The following OPRPN variants were observed in gnomAD, a reference collection of about 807,000 sequenced individuals.
The protein encoded by OPRPN is opiorphin prepropeptide, also known as basic proline-rich lacrimal protein.
A neutral mutation model predicts 2.2 loss-of-function variants in OPRPN; 1 was observed. The ratio of observed to expected loss-of-function variants is 0.45; its 90% CI spans 0.16 to 2.15. The LOEUF (loss-of-function observed/expected upper bound fraction) is 2.15, where lower values mean the gene tolerates loss of function less well. Ranked by LOEUF, OPRPN falls within the 30% of genes most tolerant of loss-of-function variation. OPRPN has a pLI of 0.28. For synonymous variants in OPRPN, 126 were observed against 111.5 expected (o/e 1.13, Z -0.82); for missense variants, 306 against 297.3 (o/e 1.03, Z -0.21).
chr4:70,409,802 C>A lies in OPRPN; in HGVS notation c.474C>A (p.Pro158=), dbSNP rs754848878. 2 of 1,613,230 alleles carry A rather than the reference C, an allele frequency of 1.2e-6. No homozygotes were observed. Among genetic ancestry groups the A allele is most frequent in the Non-Finnish European group, 1.7e-6 (2 of 1,179,538 alleles). The part of the protein sequence containing the change: ...TADTTITTNP[P]TTATATTSTS... ...ATACAACAATCACCACAAATCCCCCCACCACTGCAACAGCAACCACCAGCA... is the reference window on the plus strand; with the variant it reads ...ATACAACAATCACCACAAATCCCCCAACCACTGCAACAGCAACCACCAGCA... Residue 158 remains proline, a synonymous_variant, in exon 3 of 3, where the codon CCC becomes CCA. Transcript: ENST00000399575.
intron 2 of OPRPN, 41 bp downstream of exon 2, chr4:70,399,377 G>A (rs1186608430): frequency 6.7e-7 from 1 of 1,496,662 alleles, no homozygotes; most frequent in Non-Finnish European, 9.2e-7. Context: ...TATATTTATT[G>A]TTAATCATGA....
intron 2 of OPRPN, among the ~76,000 whole-genome samples, chr4:70,401,900 A>G (rs1188591927): frequency 1.3e-5 from 2 of 152,122 alleles, no homozygotes; most frequent in East Asian, 3.9e-4. Flanking sequence ...TGTCCACTAA[A>G]CTGCTGTCAG....
intron 2 of OPRPN, among the ~76,000 whole-genome samples, chr4:70,407,957 A>T (rs1733128350): frequency 6.6e-6 from 1 of 152,162 alleles, no homozygotes; most frequent in South Asian, 2.1e-4. Flanking sequence ...TGATGGGTGT[A>T]GAGGGGAGCA....
intron 2 of OPRPN, among the ~76,000 whole-genome samples, chr4:70,400,034 T>C (rs1218319686): frequency 6.6e-6 from 1 of 151,940 alleles, no homozygotes; most frequent in African/African-American, 2.4e-5. Flanking sequence ...TAACAAGTGA[T>C]AAGTGCCATA....
intron 2 of OPRPN, among the ~76,000 whole-genome samples, chr4:70,408,747 C>A (rs531713441): frequency 8.5e-5 from 13 of 152,272 alleles, no homozygotes; most frequent in African/African-American, 2.6e-4. Flanking sequence ...AGGACTGGCT[C>A]TAGGAGGCTC....
chr4:70,399,238 G>C (rs763265096), intron 1 of OPRPN, 33 bp from the exon 2 acceptor site: 5 of 1,487,826 alleles, frequency 3.4e-6, no homozygotes, highest in Non-Finnish European at 4.6e-6. Flanking sequence ...GATCGATTTG[G>C]CTAACTGTGG....
rs142922138 is a variant in OPRPN at position 70,399,446 on chromosome 4, G to A, written c.51+110G>A. Reference sequence around the variant, plus strand: ...CCTGTATATAAAAATACAGTGTCAGGCTGTTGATAATTATGGACTTGCTCT... The same window carrying A: ...CCTGTATATAAAAATACAGTGTCAGACTGTTGATAATTATGGACTTGCTCT... On this transcript the variant is annotated intron_variant, in intron 2 of 2. Transcript: ENST00000399575. The A allele has an allele frequency of 7.8e-6, 7 of 896,310 alleles. 1 individual carries two copies. The highest frequency in any genetic ancestry group is 1.2e-5 in the Non-Finnish European group (7 of 583,846). The allele number at this position is 896,310 out of a possible 1,614,324, so 55.5% of individuals were successfully genotyped here.
At chr4:70,409,254 C>T (rs1733157095) in intron 2 of OPRPN, 126 bp from the exon 3 acceptor site, 2 of 709,448 alleles carry the variant, frequency 2.8e-6, no homozygotes, top group Non-Finnish European at 4.5e-6. Flanking sequence ...AAATACATGA[C>T]TTATGGCTTA....
In OPRPN at chr4:70,409,538, T is replaced by C. The variant is rs778909947; in HGVS notation, c.210T>C (p.Val70=). ...CTCTTCCCTTTGTCCCAGGGCGAGT[T>C]CCACCATCTTCTTTCTCTCGATTTA... ...PLSLPFVPGR[V]PPSSFSRFSQ... The change falls in exon 3 of 3, where the codon GTT becomes GTC. Residue 70 remains valine, a synonymous_variant. Coordinates refer to ENST00000399575, the MANE Select transcript of OPRPN (RefSeq NM_021225.5). 5 of 1,613,810 alleles carry C rather than the reference T, an allele frequency of 3.1e-6. No individual in the cohort carries two copies. In the Admixed American group the frequency reaches 6.7e-5, roughly 22 times the overall value.
Position 70,409,733 on chromosome 4 carries a change from T to C in OPRPN, c.405T>C (p.Leu135=), listed in dbSNP as rs746193627. 1.2e-6 allele frequency: 2 copies of C among 1,613,298 alleles called. No homozygotes were observed. Among genetic ancestry groups the C allele is most frequent in the Admixed American group, 3.3e-5 (2 of 59,936 alleles). ...TTCCTTTTTTTCTTGCTATTTACCT[T>C]CCTATCTCTAACCCTGAGCCCCAAA... The part of the protein sequence containing the change: ...PPIPFFLAIY[L]PISNPEPQIN... Residue 135 remains leucine (L), a synonymous_variant, in exon 3 of 3, where the codon CTT becomes CTC. Transcript: ENST00000399575.
chr4:70,404,153 C>T (rs1733039314), intron 2 of OPRPN, among the ~76,000 whole-genome samples: 1 of 152,126 alleles, frequency 6.6e-6, no homozygotes, highest in East Asian at 1.9e-4. Context: ...TCAAATTGTA[C>T]TCAAAATGGC....
chr4:70,399,950 A>G (rs1325727262), intron 2 of OPRPN, among the ~76,000 whole-genome samples: 1 of 151,990 alleles, frequency 6.6e-6, no homozygotes, highest in Non-Finnish European at 1.5e-5. Context: ...CTCAAGAAGC[A>G]CTTACACTAA....
chr4:70,405,626 A>C (rs1247639043), intron 2 of OPRPN, among the ~76,000 whole-genome samples: 1 of 152,218 alleles, frequency 6.6e-6, no homozygotes, highest in Non-Finnish European at 1.5e-5. Context: ...CTGCATCTAC[A>C]AACTTCCATG....
At position 70,405,323 on chromosome 4, in the gene OPRPN, G is replaced by A. The variant is rs553072404; in HGVS notation, c.52-4057G>A. On this transcript the variant is annotated intron_variant, in intron 2 of 2. Coordinates refer to ENST00000399575, the MANE Select transcript of OPRPN (RefSeq NM_021225.5). ...AGGAAAAGATAAAAATAATAAGAATGGAGATCAGGGGTCAGCTATTTGCTG... is the reference window on the plus strand; with the variant it reads ...AGGAAAAGATAAAAATAATAAGAATAGAGATCAGGGGTCAGCTATTTGCTG... Among the ~76,000 whole-genome samples, 132 of 152,244 alleles carry A rather than the reference G, an allele frequency of 8.7e-4. 1 individual carries two copies. Among genetic ancestry groups the A allele is most frequent in the Admixed American group, 5.7e-3 (87 of 15,300 alleles).
chr4:70,401,511 C>T (rs988116531), intron 2 of OPRPN, among the ~76,000 whole-genome samples: 5 of 151,970 alleles, frequency 3.3e-5, no homozygotes, highest in African/African-American at 1.2e-4. Context: ...TTACAATGTA[C>T]TCTGGAGCAC....
At chr4:70,401,568 C>T (rs1167915298) in intron 2 of OPRPN, among the ~76,000 whole-genome samples, 1 of 152,050 alleles carries the variant, frequency 6.6e-6, no homozygotes, top group Admixed American at 6.6e-5. Context: ...ATTTGGGATG[C>T]TCCTTTACAT....
At chr4:70,407,939 T>C (rs1237540483) in intron 2 of OPRPN, among the ~76,000 whole-genome samples, 3 of 152,130 alleles carry the variant, frequency 2.0e-5, no homozygotes, top group African/African-American at 4.8e-5. Context: ...GAAGGCAAGA[T>C]CATCTTCTGA....
Position 70,409,553 on chromosome 4 carries a change from C to G in OPRPN, c.225C>G (p.Phe75Leu). Residue 75 changes from phenylalanine to leucine, a missense_variant, in exon 3 of 3, where the codon TTC becomes TTG. Physicochemically the swap from Phe to Leu is conservative, Grantham distance 22 (BLOSUM62 0). Transcript: ENST00000399575. ...FVPGRVPPSS[F>L]SRFSQAVILS... ...CAGGGCGAGTTCCACCATCTTCTTT[C>G]TCTCGATTTAGCCAAGCAGTCATTC... The G allele has an allele frequency of 6.2e-7, 1 of 1,613,980 alleles. No homozygotes were observed. The highest frequency in any genetic ancestry group is 8.5e-7 in the Non-Finnish European group (1 of 1,179,916).
chr4:70,399,107 T>TATGC (rs1389022546), intron 1 of OPRPN, among the ~76,000 whole-genome samples, 164 bp from the exon 2 acceptor site: 7 of 152,010 alleles, frequency 4.6e-5, no homozygotes, highest in Middle Eastern at 3.4e-3. Context: ...GCTGTGCATC[T>TATGC]ATGCTGCTTC....
Sources: allele counts gnomAD v4.1 joint callset (sites outside exome capture counted in the v4.1 genomes callset), GRCh38; gene constraint gnomAD v4.1.1; transcripts MANE v1.5; gene names NCBI Gene and HGNC (gene_info 2026-07-23, HGNC 2026-07-21).